The following ST14 variants were observed in gnomAD, a reference collection of about 807,000 sequenced individuals.
ST14 encodes ST14 transmembrane serine protease matriptase, also known as suppressor of tumorigenicity 14 protein.
ST14 carries 40 observed loss-of-function variants against 96.5 expected under a neutral mutation model. The ratio of observed to expected loss-of-function variants is 0.41; its 90% CI spans 0.32 to 0.54. The LOEUF is 0.54. Ranked by LOEUF, ST14 falls within the 20% of genes least tolerant of loss-of-function variation. The pLI is 0.17. For missense variants in ST14, 1,066 were observed against 1,188.9 expected (o/e 0.90, Z 1.52); for synonymous variants, 506 against 492.1 (o/e 1.03, Z -0.37).
intron 1 of ST14, among the ~76,000 whole-genome samples, chr11:130,160,672 C>G (rs892694400): frequency 6.6e-6 from 1 of 152,178 alleles, no homozygotes; most frequent in South Asian, 2.1e-4. Context: ...ACACACATGT[C>G]TTGAGCCTTT....
At chr11:130,160,442 T>C (rs942887229) in intron 1 of ST14, among the ~76,000 whole-genome samples, 1 of 151,972 alleles carries the variant, frequency 6.6e-6, no homozygotes, top group Non-Finnish European at 1.5e-5. Context: ...TTCAGGAGGG[T>C]TTGGAGTCTC....
rs1591886600 is a variant in ST14, at chr11:130,188,483, G to T, written c.242-47G>T. On this transcript the variant is annotated intron_variant, in intron 2 of 18. Transcript: ENST00000278742. This position sits in a 1 kb window ranked among gnomAD's most constrained non-coding sequence, Gnocchi z 5.4. The stretch of plus-strand genomic sequence containing the variant: ...CATTGTGGACGGCGAGGGACAGGCG[G>T]GGGTGGTACCACCTCCCCTGACTGA... 1 of 1,610,486 alleles carries T rather than the reference G, an allele frequency of 6.2e-7. No homozygotes were observed.
In ST14 at chr11:130,192,082, G is replaced by A. The variant is rs149982116; in HGVS notation, c.875+1388G>A. ...GGGATACCCCACGTCAGGGTGGGGC[G>A]TACCTCGCAGAGGTGCTGTGCGTGG... is the stretch of plus-strand genomic sequence containing the variant. On this transcript the variant is annotated intron_variant, in intron 7 of 18. Transcript: ENST00000278742. 9.2e-5 allele frequency among the ~76,000 whole-genome samples: 14 copies of A among 152,316 alleles called. No individual in the cohort carries two copies. The East Asian group carries it at 2.5e-3, about 27-fold the overall frequency.
chr11:130,176,862 G>A (rs1953143453), intron 1 of ST14, among the ~76,000 whole-genome samples: 1 of 126,576 alleles, frequency 7.9e-6, no homozygotes, highest in South Asian at 2.7e-4. Flanking sequence ...GCAGTGGCAT[G>A]ATCTCGGTTC....
chr11:130,183,013 A>G (rs943352888), intron 1 of ST14, among the ~76,000 whole-genome samples: 5 of 150,338 alleles, frequency 3.3e-5, no homozygotes, highest in East Asian at 2.0e-4. Flanking sequence ...CTGGAGTGTA[A>G]TGGCACGATT....
chr11:130,201,220 C>G (rs996120653), intron 16 of ST14, among the ~76,000 whole-genome samples: 23 of 152,224 alleles, frequency 1.5e-4, no homozygotes, highest in African/African-American at 5.3e-4. Context: ...TAGCTCCTGG[C>G]CTCTCTGGGC....
At chr11:130,170,545 C>G (rs887690310) in intron 1 of ST14, among the ~76,000 whole-genome samples, 1 of 151,912 alleles carries the variant, frequency 6.6e-6, no homozygotes, top group African/African-American at 2.4e-5. Flanking sequence ...GTTGTGGTCC[C>G]GGGAGGATTC....
chr11:130,194,777 C>T, intron 9 of ST14, 40 bp downstream of exon 9: 1 of 1,592,492 alleles, frequency 6.3e-7, no homozygotes, highest in African/African-American at 1.3e-5. Context: ...TGTGTGTGAG[C>T]ATGTATGTGC....
chr11:130,200,222 A>G, intron 16 of ST14, 85 bp downstream of exon 16: 1 of 1,494,852 alleles, frequency 6.7e-7, no homozygotes, highest in East Asian at 2.4e-5. Flanking sequence ...GCACCGAGGC[A>G]GGGCACTGGA....
intron 14 of ST14, 81 bp downstream of exon 14, chr11:130,198,702 GCC>G: frequency 1.4e-6 from 2 of 1,395,932 alleles, no homozygotes; most frequent in South Asian, 2.4e-5. Flanking sequence ...CATGCAGGAC[GCC>G]CCGAGTTTAA....
intron 10 of ST14, 57 bp from the exon 11 acceptor site, chr11:130,196,513 C>T (rs1247498194): frequency 1.3e-6 from 2 of 1,554,032 alleles, no homozygotes; most frequent in Non-Finnish European, 1.8e-6. Flanking sequence ...CCACCAGACC[C>T]CCAGCCCCCC....
At position 130,194,765 on chromosome 11, in the gene ST14, T is replaced by C. The variant is rs1953341286; in HGVS notation, c.1113+28T>C. 1.9e-6 allele frequency: 3 copies of C among 1,606,104 alleles called. No homozygotes were observed. The African/African-American group carries it at 4.0e-5, about 22-fold the overall frequency. On this transcript the variant is annotated intron_variant, in intron 9 of 18. Coordinates refer to ENST00000278742, the MANE Select transcript of ST14 (RefSeq NM_021978.4). ...AGGAGCTATGGGGCGTGTGAACGTGTGTGTGTGTGAGCATGTATGTGCACG... is the reference window on the plus strand; with the variant it reads ...AGGAGCTATGGGGCGTGTGAACGTGCGTGTGTGTGAGCATGTATGTGCACG...
Position 130,174,507 on chromosome 11 carries a change from TGGGTGTGGGGTGG to T in ST14, c.82-13601_82-13589del, listed in dbSNP as rs1190395748. 1.1e-4 allele frequency among the ~76,000 whole-genome samples: 7 copies of T among 61,586 alleles called. No homozygotes were observed. In the Admixed American group the frequency reaches 1.2e-3, roughly 10 times the overall value. The allele number at this position is 61,586 out of a possible 152,430, so 40.4% of individuals were successfully genotyped here. A position where few individuals can be genotyped will look rare whatever the true frequency, so the allele number is the denominator to read the frequency against. ...CTGCTTCTCCTGGGGGTGAGGTGTG[TGGGTGTGGGGTGG>T]GGGTGGGGGTGGCAGTTATTACCAA... On this transcript the variant is annotated intron_variant, in intron 1 of 18. Coordinates refer to ENST00000278742, the MANE Select transcript of ST14 (RefSeq NM_021978.4).
At chr11:130,191,025 G>T (rs1026972475) in intron 7 of ST14, among the ~76,000 whole-genome samples, 3 of 152,226 alleles carry the variant, frequency 2.0e-5, no homozygotes, top group East Asian at 1.9e-4. Flanking sequence ...GGATATGAAG[G>T]CCAACAGATC....
chr11:130,190,845 C>T (rs952193117), intron 7 of ST14, 151 bp downstream of exon 7: 2 of 1,085,478 alleles, frequency 1.8e-6, no homozygotes, highest in African/African-American at 1.6e-5. Context: ...GTGGTGTGAT[C>T]CTCAGCTGCA....
Position 130,184,169 on chromosome 11 carries a change from C to A in ST14, c.82-3945C>A, listed in dbSNP as rs150513154. 4.5e-3 allele frequency among the ~76,000 whole-genome samples: 683 copies of A among 152,252 alleles called. 10 individuals carry two copies. The highest frequency in any genetic ancestry group is 0.016 in the African/African-American group (657 of 41,542). The stretch of plus-strand genomic sequence containing the variant: ...GGCCAGGAGGAGATTTTGAAGGAGA[C>A]GGACACGGGCATCATCTTAGCTGTG... On this transcript the variant is annotated intron_variant, in intron 1 of 18. Coordinates refer to ENST00000278742, the MANE Select transcript of ST14 (RefSeq NM_021978.4).
At chr11:130,160,299 C>A (rs1386981118) in intron 1 of ST14, among the ~76,000 whole-genome samples, 2 of 152,150 alleles carry the variant, frequency 1.3e-5, no homozygotes, top group Admixed American at 6.5e-5. Context: ...GGCCTTCCTG[C>A]GCCCTCGGTC....
chr11:130,177,138 C>T (rs1953146514), intron 1 of ST14, among the ~76,000 whole-genome samples: 1 of 151,750 alleles, frequency 6.6e-6, no homozygotes, highest in South Asian at 2.1e-4. Context: ...GACTGTACAT[C>T]CTCAGGGGGT....
At chr11:130,207,899 C>T (rs116914361) in intron 16 of ST14, among the ~76,000 whole-genome samples, 4,708 of 152,156 alleles carry the variant, frequency 0.031, 231 homozygotes, top group East Asian at 0.21. Context: ...GATGAAATCC[C>T]GTCTCTATTA....
Sources: gnomAD v4.1 joint callset for allele counts (sites outside exome capture counted in the v4.1 genomes callset) on GRCh38, gnomAD v4.1.1 for gene constraint, Gnocchi (gnomAD v3.1) non-coding constraint, MANE v1.5 for transcripts, NCBI Gene and HGNC (gene_info 2026-07-23, HGNC 2026-07-21) for gene names.